RERE: variants seen among roughly 807,000 people sequenced by gnomAD.
The protein encoded by RERE is arginine-glutamic acid dipeptide repeats protein.
In RERE, 40 loss-of-function variants were observed where a neutral mutation model predicts 146.1. The ratio of observed to expected loss-of-function variants is 0.27; its 90% CI spans 0.21 to 0.36. The LOEUF is 0.36. RERE is among the 10% of genes least tolerant of loss of function. The pLI is 1.00. For missense variants in RERE, 1,933 were observed against 2,138.7 expected (o/e 0.90, Z 1.90); for synonymous variants, 1,003 against 866.0 (o/e 1.16, Z -2.78).
At chr1:8,550,043 T>C (rs1372404222) in intron 6 of RERE, among the ~76,000 whole-genome samples, 1 of 152,220 alleles carries the variant, frequency 6.6e-6, no homozygotes, top group Non-Finnish European at 1.5e-5. Flanking sequence ...GAATCTTTAG[T>C]CTAATGCTAT....
At chr1:8,698,995 T>C (rs1379666820) in intron 1 of RERE, among the ~76,000 whole-genome samples, 1 of 152,230 alleles carries the variant, frequency 6.6e-6, no homozygotes, top group Non-Finnish European at 1.5e-5. Context: ...CATGGCTCAC[T>C]AACCTGCTCA....
intron 1 of RERE, among the ~76,000 whole-genome samples, chr1:8,811,876 C>A (rs1388852356): frequency 2.0e-5 from 3 of 152,188 alleles, no homozygotes; most frequent in Non-Finnish European, 4.4e-5. Flanking sequence ...CCTGGACATT[C>A]ATATACAGGG....
chr1:8,797,045 G>A (rs6577525), intron 1 of RERE, among the ~76,000 whole-genome samples: 129,280 of 151,754 alleles, frequency 0.85, 55,296 homozygotes, highest in East Asian at 0.95. Context: ...ACGGAAGCCA[G>A]TGCTAGAAGA....
At chr1:8,682,647 C>G (rs933446545) in intron 1 of RERE, among the ~76,000 whole-genome samples, 1 of 152,106 alleles carries the variant, frequency 6.6e-6, no homozygotes, top group African/African-American at 2.4e-5. Context: ...GTTACCTACA[C>G]AATAAAAATA....
intron 1 of RERE, among the ~76,000 whole-genome samples, chr1:8,679,849 T>C (rs1638924303): frequency 6.6e-6 from 1 of 152,206 alleles, no homozygotes; most frequent in African/African-American, 2.4e-5. Context: ...AAGCGCTCCC[T>C]GAGAACTTCA....
At chr1:8,404,930 C>A (rs1643396431) in intron 12 of RERE, among the ~76,000 whole-genome samples, 1 of 152,156 alleles carries the variant, frequency 6.6e-6, no homozygotes, top group Admixed American at 6.6e-5. Flanking sequence ...ATTGCCAAAG[C>A]TGGAGAGATG....
chr1:8,535,357 C>T (rs1443759086), intron 7 of RERE, among the ~76,000 whole-genome samples: 1 of 152,070 alleles, frequency 6.6e-6, no homozygotes, highest in East Asian at 1.9e-4. Context: ...TTGAATAGGG[C>T]CTGAGAATAC....
At chr1:8,448,164 G>A (rs77163660) in intron 11 of RERE, among the ~76,000 whole-genome samples, 2,056 of 152,188 alleles carry the variant, frequency 0.014, 46 homozygotes, top group African/African-American at 0.047. Flanking sequence ...CTCTGCACAC[G>A]ACAGGCATTT....
intron 6 of RERE, among the ~76,000 whole-genome samples, chr1:8,545,188 T>C (rs1645843050): frequency 6.6e-6 from 1 of 152,240 alleles, no homozygotes; most frequent in African/African-American, 2.4e-5. Flanking sequence ...AAGTCTTGTA[T>C]ACTCTGTATC....
At chr1:8,711,456 T>C (rs1391786121) in intron 1 of RERE, among the ~76,000 whole-genome samples, 1 of 152,196 alleles carries the variant, frequency 6.6e-6, no homozygotes, top group East Asian at 1.9e-4. Flanking sequence ...GCTTTAAATA[T>C]GTTTAAGGAC....
chr1:8,649,967 G>A (rs1647528695), intron 2 of RERE, among the ~76,000 whole-genome samples: 1 of 152,136 alleles, frequency 6.6e-6, no homozygotes, highest in Non-Finnish European at 1.5e-5. Flanking sequence ...CTGGGAGAAA[G>A]GCAGTGACAC....
At position 8,656,255 on chromosome 1, in the gene RERE, G is replaced by A. The variant is rs1244831205; in HGVS notation, c.43C>T (p.Arg15Trp). 30 of 1,612,518 alleles carry A rather than the reference G, an allele frequency of 1.9e-5. No homozygotes were observed. Among genetic ancestry groups the A allele is most frequent in the East Asian group, 2.2e-5 (1 of 44,862 alleles). ...KDKDKDKEKD[R>W]DRDRDREREK... is the part of the protein sequence containing the mutation. The stretch of plus-strand genomic sequence containing the variant: ...CTCTCTCGGTCCCGGTCTCGGTCCC[G>A]GTCCTTCTCTTTGTCTTTGTCTTTG... The change falls in exon 2 of 23, where the codon CGG (arginine) becomes TGG (tryptophan). Residue 15 changes from arginine to tryptophan, a missense_variant. By Grantham distance (101) the Arg-to-Trp change is moderately radical (BLOSUM62 -3). Around this residue, in one of 11 missense-constraint regions of RERE, gnomAD observed 107 missense variants for 119.7 expected, o/e 0.89. Coordinates refer to ENST00000400908, the MANE Select transcript of RERE (RefSeq NM_001042681.2).
rs1472309938 is a variant in RERE at position 8,364,101 on chromosome 1, C to A, written c.1695G>T (p.Gly565=). ...TCCTCATGCTATGCTTCCCACTGAG[C>A]CCATCATCCTCTTCCTTGACGGGTT... ...MFKPVKEEDD[G]LSGKHSMRTR... is the part of the protein sequence containing the mutation. Residue 565 remains glycine (G), a synonymous_variant, in exon 15 of 23, where the codon GGG becomes GGT. Coordinates refer to ENST00000400908, the MANE Select transcript of RERE (RefSeq NM_001042681.2). The surrounding 1 kb of genome is among the most constrained non-coding windows in gnomAD (Gnocchi z 5.1). 2 of 1,614,106 alleles carry A rather than the reference C, an allele frequency of 1.2e-6. No individual in the cohort carries two copies. The highest frequency in any genetic ancestry group is 4.5e-5 in the East Asian group (2 of 44,890).
chr1:8,703,313 CGCCCTG>C (rs1639496455), intron 1 of RERE: 2 of 150,596 alleles, frequency 1.3e-5, no homozygotes, highest in South Asian at 2.1e-4. Flanking sequence ...GGGAGGCGGC[CGCCCTG>C]GCCCGAGCCT....
chr1:8,557,050 CAGAA>C (rs1401974515), intron 5 of RERE, among the ~76,000 whole-genome samples: 3 of 149,024 alleles, frequency 2.0e-5, no homozygotes, highest in African/African-American at 2.5e-5. Flanking sequence ...AAAAAAAAAA[CAGAA>C]AGATAAAAAA....
rs200550198 is a variant in RERE, at chr1:8,448,864, CAAA to C, written c.1203+17058_1203+17060del. Among the ~76,000 whole-genome samples the C allele has an allele frequency of 2.9e-5, 4 of 137,176 alleles. No homozygotes were observed. The South Asian group carries it at 6.8e-4, about 23-fold the overall frequency. The allele number at this position is 137,176 out of a possible 152,430, so 90.0% of individuals were successfully genotyped here. On this transcript the variant is annotated intron_variant, in intron 11 of 22. Transcript: ENST00000400908. The stretch of plus-strand genomic sequence containing the variant: ...TCAAACAAACAAACAAATAAACAAA[CAAA>C]AAAAAAAAAGGAAGAAGAACCAGAA...
intron 8 of RERE, among the ~76,000 whole-genome samples, chr1:8,507,701 G>A (rs1437906466): frequency 1.3e-5 from 2 of 148,168 alleles, no homozygotes; most frequent in Admixed American, 6.7e-5. Context: ...GAGCCACCAC[G>A]CCCAGCCGGG....
At chr1:8,580,211 AT>A (rs1646347019) in intron 4 of RERE, among the ~76,000 whole-genome samples, 1 of 152,220 alleles carries the variant, frequency 6.6e-6, no homozygotes, top group Admixed American at 6.5e-5. Context: ...GCAAACTTAC[AT>A]GAAGAAAGAA....
At chr1:8,401,036 A>AAC (rs1643239029) in intron 12 of RERE, among the ~76,000 whole-genome samples, 1 of 7,752 alleles carries the variant, frequency 1.3e-4, no homozygotes, top group Non-Finnish European at 4.5e-4. Flanking sequence ...AAAAAAAAAA[A>AAC]CCATATATAT....
Sources: allele counts gnomAD v4.1 joint callset (sites outside exome capture counted in the v4.1 genomes callset), GRCh38; gene constraint gnomAD v4.1.1; regional missense constraint gnomAD v4.1.1; non-coding constraint Gnocchi (gnomAD v3.1); transcripts MANE v1.5; gene names NCBI Gene and HGNC (gene_info 2026-07-23, HGNC 2026-07-21).